ESR1: variants seen among roughly 807,000 people sequenced by gnomAD.
ESR1 encodes the protein estrogen receptor.
Under a neutral mutation model 52.7 loss-of-function variants are expected in ESR1, and 12 were observed. The observed-to-expected ratio is 0.23, with a 90% CI of 0.15 to 0.37. The LOEUF (loss-of-function observed/expected upper bound fraction) is 0.37, where lower values mean the gene tolerates loss of function less well. Among genes scored for constraint, ESR1 ranks in the 10% least tolerant of loss-of-function variants. ESR1 has a pLI of 1.00. For missense variants in ESR1, 584 were observed against 779.7 expected (o/e 0.75, Z 2.99); for synonymous variants, 305 against 316.8 (o/e 0.96, Z 0.39).
rs9340872 is a variant in ESR1, at chr6:151,905,209, A to C, written c.760+24438A>C. Among the ~76,000 whole-genome samples the C allele has an allele frequency of 3.0e-4, 45 of 152,340 alleles. No individual in the cohort carries two copies. In the East Asian group the frequency reaches 7.5e-3, roughly 25 times the overall value. On this transcript the variant is annotated intron_variant, in intron 3 of 7. Transcript: ENST00000206249. ...TGGAGGAAACTCAGCAACTGCTCAG[A>C]AATGAAACAACCTAGGAAGGAGGTG...
intron 1 of ESR1, among the ~76,000 whole-genome samples, chr6:151,823,398 A>G (rs557610341): frequency 1.3e-4 from 20 of 152,344 alleles, no homozygotes; most frequent in African/African-American, 4.3e-4. Flanking sequence ...GATAATTGTA[A>G]TTATTGCTAA....
At chr6:151,662,165 C>T (rs536826723) in intron 1 of ESR1, among the ~76,000 whole-genome samples, 1 of 152,284 alleles carries the variant, frequency 6.6e-6, no homozygotes, top group African/African-American at 2.4e-5. Context: ...CTTAGTGACT[C>T]TATCAACTGG....
upstream of ESR1, among the ~76,000 whole-genome samples, chr6:151,686,259 G>T (rs1344026905): frequency 6.6e-6 from 1 of 151,848 alleles, no homozygotes; most frequent in African/African-American, 2.4e-5. Context: ...CTTGAACTAG[G>T]GCTTTCATAC....
intron 2 of ESR1, among the ~76,000 whole-genome samples, chr6:151,876,117 C>T (rs1259379578): frequency 6.6e-6 from 1 of 152,008 alleles, no homozygotes; most frequent in African/African-American, 2.4e-5. Flanking sequence ...TTGTTTTGAT[C>T]TGTGTGCCTG....
chr6:152,108,177 G>A (rs975357219), downstream of ESR1, among the ~76,000 whole-genome samples: 4 of 152,186 alleles, frequency 2.6e-5, no homozygotes, highest in Admixed American at 6.5e-5. Context: ...AGCCAGGAAT[G>A]TGCTTGCCAC....
At position 151,944,312 on chromosome 6, in the gene ESR1, C is replaced by T. The variant is rs2128527712; in HGVS notation, c.900C>T (p.Arg300=). 1 of 1,614,150 alleles carries T rather than the reference C, an allele frequency of 6.2e-7. No homozygotes were observed. Among genetic ancestry groups the T allele is most frequent in the Non-Finnish European group, 8.5e-7 (1 of 1,180,018 alleles). The part of the protein sequence containing the change: ...NLWPSPLMIK[R]SKKNSLALSL... ...GGCCAAGCCCGCTCATGATCAAACG[C>T]TCTAAGAAGAACAGCCTGGCCTTGT... Residue 300 remains arginine (R), a synonymous_variant, in exon 4 of 8, where the codon CGC becomes CGT. Transcript: ENST00000206249.
At chr6:151,944,139 AT>A in intron 3 of ESR1, 33 bp from the exon 4 acceptor site, 1 of 1,559,926 alleles carries the variant, frequency 6.4e-7, no homozygotes. Flanking sequence ...CGGGAAAAAA[AT>A]AAACTAATTT....
intron 1 of ESR1, among the ~76,000 whole-genome samples, chr6:151,693,475 T>C (rs1213775854): frequency 6.6e-6 from 1 of 152,200 alleles, no homozygotes; most frequent in East Asian, 1.9e-4. Context: ...TGACTATCTT[T>C]GTGATGAGAA....
upstream of ESR1, among the ~76,000 whole-genome samples, chr6:151,689,909 C>G (rs1285235064): frequency 6.6e-6 from 1 of 151,986 alleles, no homozygotes. Context: ...AAATGTTTAT[C>G]TTAGTGTTAA....
intron 2 of ESR1, among the ~76,000 whole-genome samples, chr6:151,724,371 A>G (rs950422496): frequency 6.6e-6 from 1 of 152,148 alleles, no homozygotes; most frequent in Non-Finnish European, 1.5e-5. Flanking sequence ...AGCTCCTACA[A>G]CCCACGAAGG....
At chr6:151,845,995 G>T (rs202210748) in intron 2 of ESR1, among the ~76,000 whole-genome samples, 8 of 152,140 alleles carry the variant, frequency 5.3e-5, no homozygotes, top group Admixed American at 5.2e-4. Flanking sequence ...ATTAGATGAT[G>T]GTGTCAAGAT....
At chr6:151,975,297 C>G (rs1200799215) in intron 4 of ESR1, among the ~76,000 whole-genome samples, 1 of 152,194 alleles carries the variant, frequency 6.6e-6, no homozygotes, top group Non-Finnish European at 1.5e-5. Context: ...CTCATTTTCA[C>G]TCAGGCAATC....
intron 3 of ESR1, among the ~76,000 whole-genome samples, chr6:151,924,094 A>T (rs2032228741): frequency 6.6e-6 from 1 of 152,144 alleles, no homozygotes; most frequent in Non-Finnish European, 1.5e-5. Flanking sequence ...CCCAGGCTGG[A>T]GTGCAGTGGC....
chr6:151,683,251 T>C (rs1778525217), intron 1 of ESR1, among the ~76,000 whole-genome samples: 1 of 152,132 alleles, frequency 6.6e-6, no homozygotes, highest in African/African-American at 2.4e-5. Flanking sequence ...ATTTTGGTAT[T>C]GTAGAGGGAG....
At chr6:151,719,555 A>G (rs1396573042) in intron 2 of ESR1, among the ~76,000 whole-genome samples, 1 of 152,164 alleles carries the variant, frequency 6.6e-6, no homozygotes, top group Non-Finnish European at 1.5e-5. Context: ...GCAAGGGAGA[A>G]AAGATTGGAG....
intron 2 of ESR1, among the ~76,000 whole-genome samples, chr6:151,776,129 A>G (rs1474954001): frequency 6.6e-6 from 1 of 152,210 alleles, no homozygotes; most frequent in Non-Finnish European, 1.5e-5. Flanking sequence ...GTTCGAGGAA[A>G]GAGGCTGGGT....
At chr6:151,867,111 A>T (rs2128300690) in intron 2 of ESR1, among the ~76,000 whole-genome samples, 1 of 152,316 alleles carries the variant, frequency 6.6e-6, no homozygotes, top group East Asian at 1.9e-4. Flanking sequence ...TAAGAAAATT[A>T]ACTCAAGATG....
At chr6:151,731,175 G>A (rs1313102829) in intron 2 of ESR1, among the ~76,000 whole-genome samples, 2 of 152,046 alleles carry the variant, frequency 1.3e-5, no homozygotes, top group Non-Finnish European at 2.9e-5. Flanking sequence ...CCAACATATA[G>A]TGAAACCCCC....
intron 3 of ESR1, among the ~76,000 whole-genome samples, chr6:151,913,869 C>T (rs938016168): frequency 1.3e-5 from 2 of 151,776 alleles, no homozygotes; most frequent in Admixed American, 1.3e-4. Flanking sequence ...AAAATGATTC[C>T]TTTTTGTGAT....
Sources: allele counts gnomAD v4.1 joint callset (sites outside exome capture counted in the v4.1 genomes callset), GRCh38; gene constraint gnomAD v4.1.1; transcripts MANE v1.5; gene names NCBI Gene and HGNC (gene_info 2026-07-23, HGNC 2026-07-21).